The following GATC variants were observed in gnomAD, a reference collection of about 807,000 sequenced individuals.
GATC encodes the protein glutamyl-tRNA(Gln) amidotransferase subunit C, mitochondrial.
Under a neutral mutation model 14.4 loss-of-function variants are expected in GATC, and 11 were observed. That is an observed-to-expected ratio of 0.77 (90% CI 0.48 to 1.27). The LOEUF (loss-of-function observed/expected upper bound fraction) is 1.27, where lower values mean the gene tolerates loss of function less well. Ranked by LOEUF, GATC falls within the 50% of genes most tolerant of loss-of-function variation. The pLI is 0.00. For missense variants in GATC, 204 were observed against 183.0 expected, an observed-to-expected ratio of 1.11 and a Z score of -0.66; for synonymous variants, 76 against 79.3, an observed-to-expected ratio of 0.96 and a Z score of 0.22.
intron 3 of GATC, among the ~76,000 whole-genome samples, chr12:120,458,098 A>AT (rs11434555): frequency 0.3 from 40,812 of 136,748 alleles, 6,181 homozygotes; most frequent in East Asian, 0.5. Flanking sequence ...TATTTCTTAA[A>AT]TTTTTTTTTT....
At chr12:120,447,720 C>T (rs923572691) in intron 2 of GATC, among the ~76,000 whole-genome samples, 14 of 152,108 alleles carry the variant, frequency 9.2e-5, no homozygotes, top group African/African-American at 3.4e-4. Flanking sequence ...AATGTGAGCT[C>T]ATTATGTAGT....
intron 2 of GATC, among the ~76,000 whole-genome samples, chr12:120,447,833 G>A (rs1311810724): frequency 6.6e-6 from 1 of 152,098 alleles, no homozygotes; most frequent in Non-Finnish European, 1.5e-5. Context: ...TCAGCTCATT[G>A]TAATGTCCAC....
At chr12:120,451,877 T>TTTTTTTTTTTTC (rs1878059112) in intron 2 of GATC, among the ~76,000 whole-genome samples, 1 of 79,948 alleles carries the variant, frequency 1.3e-5, no homozygotes, top group Non-Finnish European at 2.8e-5. Context: ...TATAAATTCT[T>TTTTTTTTTTTTC]TTTTTTTTTT....
chr12:120,452,713 C>G (rs994158021), intron 2 of GATC, among the ~76,000 whole-genome samples: 20 of 151,206 alleles, frequency 1.3e-4, no homozygotes, highest in African/African-American at 4.6e-4. Context: ...GAATCCAGAA[C>G]TTTTTTTTTC....
At chr12:120,455,511 G>A (rs944485721) in intron 2 of GATC, among the ~76,000 whole-genome samples, 1 of 150,816 alleles carries the variant, frequency 6.6e-6, no homozygotes, top group African/African-American at 2.4e-5. Context: ...GAAATTTAAT[G>A]TCTGAAAAGA....
chr12:120,451,396 A>G (rs761316083), intron 2 of GATC, among the ~76,000 whole-genome samples: 9 of 151,868 alleles, frequency 5.9e-5, no homozygotes, highest in Non-Finnish European at 1.0e-4. Context: ...GTCAGCCAAG[A>G]TGGAGCCACT....
chr12:120,454,231 A>G (rs1409311562), intron 2 of GATC, among the ~76,000 whole-genome samples: 3 of 152,162 alleles, frequency 2.0e-5, no homozygotes, highest in Non-Finnish European at 4.4e-5. Context: ...TTCTGAAAGG[A>G]GCAGGTGCTA....
At chr12:120,454,885 C>A (rs1878139928) in intron 2 of GATC, 5 of 262,056 alleles carry the variant, frequency 1.9e-5, no homozygotes, top group Non-Finnish European at 4.1e-5. Flanking sequence ...TAGTACAACT[C>A]TCTTTTGTGT....
At position 120,461,790 on chromosome 12, in the gene GATC, G is replaced by T. The variant is rs1048163653; in HGVS notation, c.*1831G>T. On this transcript the variant is annotated 3_prime_UTR_variant, in exon 4 of 4. Transcript: ENST00000551765. Reference sequence around the variant, plus strand: ...AACTGATTTTTTTCCCATAATCAGGGGTGAAAAATATACAACTTGTTTCTG... The same window carrying T: ...AACTGATTTTTTTCCCATAATCAGGTGTGAAAAATATACAACTTGTTTCTG... 1.0e-5 allele frequency: 4 copies of T among 397,042 alleles called. No homozygotes were observed. In the South Asian group the frequency reaches 2.0e-4, roughly 20 times the overall value. 24.6% of individuals were successfully genotyped at this position (397,042 alleles called of 1,614,324 possible). A position where few individuals can be genotyped will look rare whatever the true frequency, so the allele number is the denominator to read the frequency against.
chr12:120,460,953 C>T lies in GATC; in HGVS notation c.*994C>T, dbSNP rs1258313107. ...CCGGGAGACGGAGCTTGCAGTAAGC[C>T]GAGATCGCACCACTGCACTCCAGCC... On this transcript the variant is annotated 3_prime_UTR_variant, in exon 4 of 4. Transcript: ENST00000551765. 3 of 149,452 alleles carry T rather than the reference C, an allele frequency of 2.0e-5. No homozygotes were observed. Among genetic ancestry groups the T allele is most frequent in the Non-Finnish European group, 4.4e-5 (3 of 67,730 alleles). The allele number at this position is 149,452 out of a possible 1,614,324, so 9.3% of individuals were successfully genotyped here.
Position 120,463,734 on chromosome 12 carries a change from C to A in GATC, c.*3775C>A. 2.0e-6 allele frequency: 1 copy of A among 502,178 alleles called. No individual in the cohort carries two copies. Among genetic ancestry groups the A allele is most frequent in the Non-Finnish European group, 3.5e-6 (1 of 286,836 alleles). 31.1% of individuals were successfully genotyped at this position (502,178 alleles called of 1,614,324 possible). A position where few individuals can be genotyped will look rare whatever the true frequency, so the allele number is the denominator to read the frequency against. On this transcript the variant is annotated 3_prime_UTR_variant, in exon 4 of 4. Transcript: ENST00000551765. Reference sequence around the variant, plus strand: ...TGTGATACTAATATGCAGAATAAAGCATATTAAAAAACAAACGTACCATGA... The same window carrying A: ...TGTGATACTAATATGCAGAATAAAGAATATTAAAAAACAAACGTACCATGA...
intron 2 of GATC, chr12:120,450,570 G>T: frequency 6.3e-6 from 1 of 158,344 alleles, no homozygotes; most frequent in East Asian, 1.7e-4. Flanking sequence ...ACACAGTATG[G>T]ACATTCCTTA....
intron 3 of GATC, among the ~76,000 whole-genome samples, chr12:120,458,930 G>A (rs1414112274): frequency 1.3e-5 from 2 of 152,068 alleles, no homozygotes; most frequent in Non-Finnish European, 2.9e-5. Context: ...GCGCGATCTC[G>A]GCTCACTGCA....
chr12:120,457,224 C>T (rs1878210355), intron 3 of GATC, 45 bp downstream of exon 3: 1 of 1,376,860 alleles, frequency 7.3e-7, no homozygotes, highest in African/African-American at 1.4e-5. Context: ...TCACAGTAAC[C>T]TTAGGAATGA....
intron 2 of GATC, among the ~76,000 whole-genome samples, chr12:120,449,799 G>A (rs190228077): frequency 2.0e-5 from 3 of 149,842 alleles, no homozygotes; most frequent in South Asian, 2.1e-4. Flanking sequence ...TTTTGCTCAC[G>A]TTGCCCAGGC....
At position 120,461,649 on chromosome 12, in the gene GATC, TC is replaced by T. The variant is rs967794647; in HGVS notation, c.*1691del. ...TATTTGGTGAAATCTGTGAACTTAATCAAGGACAACCACACATGTCAATTAC... is the reference window on the plus strand; with the variant it reads ...TATTTGGTGAAATCTGTGAACTTAATAAGGACAACCACACATGTCAATTAC... On this transcript the variant is annotated 3_prime_UTR_variant, in exon 4 of 4. Coordinates refer to ENST00000551765, the MANE Select transcript of GATC (RefSeq NM_176818.3). 1 of 156,122 alleles carries T rather than the reference TC, an allele frequency of 6.4e-6. No individual in the cohort carries two copies. The highest frequency in any genetic ancestry group is 2.4e-5 in the African/African-American group (1 of 41,538). The allele number at this position is 156,122 out of a possible 1,614,324, so 9.7% of individuals were successfully genotyped here.
Position 120,462,327 on chromosome 12 carries a change from G to T in GATC, c.*2368G>T, listed in dbSNP as rs1878369217. The T allele has an allele frequency of 1.0e-5, 6 of 601,904 alleles. No homozygotes were observed. The highest frequency in any genetic ancestry group is 1.3e-5 in the Non-Finnish European group (5 of 373,150). 37.3% of individuals were successfully genotyped at this position (601,904 alleles called of 1,614,324 possible). A position where few individuals can be genotyped will look rare whatever the true frequency, so the allele number is the denominator to read the frequency against. ...AAACCTTCATAACATTATGAGGTAG[G>T]TACTCTTACTATCCCATTTCAAGAA... On this transcript the variant is annotated 3_prime_UTR_variant, in exon 4 of 4. Coordinates refer to ENST00000551765, the MANE Select transcript of GATC (RefSeq NM_176818.3).
At chr12:120,451,190 TA>T (rs1421926061) in intron 2 of GATC, among the ~76,000 whole-genome samples, 2 of 140,096 alleles carry the variant, frequency 1.4e-5, no homozygotes, top group African/African-American at 5.4e-5. Flanking sequence ...CTCACACCTG[TA>T]ATTCCAGCAC....
intron 2 of GATC, among the ~76,000 whole-genome samples, chr12:120,451,875 C>CTTTTTTTTTT (rs1170221029): frequency 8.8e-5 from 8 of 90,790 alleles, no homozygotes; most frequent in Admixed American, 1.1e-4. Context: ...TATATAAATT[C>CTTTTTTTTTT]TTTTTTTTTT....
Sources: gnomAD v4.1 joint callset for allele counts (sites outside exome capture counted in the v4.1 genomes callset) on GRCh38, gnomAD v4.1.1 for gene constraint, MANE v1.5 for transcripts, NCBI Gene and HGNC (gene_info 2026-07-23, HGNC 2026-07-21) for gene names.